The following PLS1 variants were observed in gnomAD, a reference collection of about 807,000 sequenced individuals.
PLS1 encodes plastin 1.
A neutral mutation model predicts 73.7 loss-of-function variants in PLS1; 32 were observed. The ratio of observed to expected loss-of-function variants is 0.43; its 90% CI spans 0.33 to 0.58. The LOEUF is 0.58. Ranked by LOEUF, PLS1 falls within the 20% of genes least tolerant of loss-of-function variation. The probability of loss-of-function intolerance (pLI) is 0.04; values close to 1 mark genes in which losing one functional copy is unlikely to be tolerated. For missense variants in PLS1, 633 were observed against 740.5 expected, an observed-to-expected ratio of 0.85 and a Z score of 1.68; for synonymous variants, 217 against 261.3, an observed-to-expected ratio of 0.83 and a Z score of 1.63.
At chr3:142,705,740 C>T (rs1348553426) in intron 14 of PLS1, among the ~76,000 whole-genome samples, 1 of 152,170 alleles carries the variant, frequency 6.6e-6, no homozygotes, top group Non-Finnish European at 1.5e-5. Context: ...AAAGAAATGT[C>T]AGAAATTTAT....
chr3:142,637,897 G>C (rs1348256430), intron 1 of PLS1, among the ~76,000 whole-genome samples: 1 of 151,312 alleles, frequency 6.6e-6, no homozygotes, highest in Admixed American at 6.6e-5. Flanking sequence ...ATTTAGAGCT[G>C]CTTTAATGGC....
At chr3:142,693,128 A>G (rs1016342748) in intron 10 of PLS1, among the ~76,000 whole-genome samples, 3 of 152,186 alleles carry the variant, frequency 2.0e-5, no homozygotes, top group African/African-American at 7.2e-5. Flanking sequence ...TGCAGACCAG[A>G]GGGAACAAAA....
chr3:142,691,653 GTCA>G (rs931794483), intron 10 of PLS1, among the ~76,000 whole-genome samples: 2 of 152,022 alleles, frequency 1.3e-5, no homozygotes, highest in African/African-American at 2.4e-5. Flanking sequence ...ATATTTATCA[GTCA>G]TCTTTATTAT....
At chr3:142,642,271 G>T (rs1342835885) in intron 1 of PLS1, among the ~76,000 whole-genome samples, 1 of 151,966 alleles carries the variant, frequency 6.6e-6, no homozygotes, top group African/African-American at 2.4e-5. Flanking sequence ...TTGAGAACAT[G>T]ATTTTTAATT....
intron 1 of PLS1, among the ~76,000 whole-genome samples, chr3:142,614,748 G>A (rs1473367583): frequency 6.6e-6 from 1 of 152,102 alleles, no homozygotes; most frequent in African/African-American, 2.4e-5. Flanking sequence ...CAGGAGTATG[G>A]CGGCTATAGA....
In PLS1 at chr3:142,712,143, A is replaced by T. The variant is rs1046181412; in HGVS notation, c.*136A>T. 1 of 782,792 alleles carries T rather than the reference A, an allele frequency of 1.3e-6. No homozygotes were observed. Among genetic ancestry groups the T allele is most frequent in the Non-Finnish European group, 2.0e-6 (1 of 489,030 alleles). The allele number at this position is 782,792 out of a possible 1,614,324, so 48.5% of individuals were successfully genotyped here. ...TTATATATTCATTAATGAATTCAAT[A>T]TCCTGTTCATACTAGTTAGAGCTGG... On this transcript the variant is annotated 3_prime_UTR_variant, in exon 16 of 16. Coordinates refer to ENST00000457734, the MANE Select transcript of PLS1 (RefSeq NM_001145319.2).
chr3:142,619,976 T>C (rs1466987644), intron 1 of PLS1, among the ~76,000 whole-genome samples: 1 of 152,154 alleles, frequency 6.6e-6, no homozygotes, highest in African/African-American at 2.4e-5. Flanking sequence ...TTGATGAATT[T>C]TCACAAATGG....
At chr3:142,702,945 C>T (rs1455327287) in intron 12 of PLS1, among the ~76,000 whole-genome samples, 1 of 152,148 alleles carries the variant, frequency 6.6e-6, no homozygotes, top group Non-Finnish European at 1.5e-5. Context: ...AAAGGAAACA[C>T]ATACAAGGCT....
Position 142,704,601 on chromosome 3 carries a change from T to A in PLS1, c.1629+15T>A. On this transcript the variant is annotated intron_variant, in intron 14 of 15. Coordinates refer to ENST00000457734, the MANE Select transcript of PLS1 (RefSeq NM_001145319.2). ...CCAGCTTCAAGGTAATCAAGAGTCC[T>A]AAAAAAAATTTTTTTTTGTAGGTAT... 3.6e-5 allele frequency: 38 copies of A among 1,052,240 alleles called. No homozygotes were observed. Among genetic ancestry groups the A allele is most frequent in the African/African-American group, 5.2e-5 (3 of 58,148 alleles). The allele number at this position is 1,052,240 out of a possible 1,614,324, so 65.2% of individuals were successfully genotyped here.
chr3:142,664,247 A>G lies in PLS1; in HGVS notation c.10A>G (p.Ser4Gly). The G allele has an allele frequency of 6.4e-7, 1 of 1,574,282 alleles. No individual in the cohort carries two copies. The highest frequency in any genetic ancestry group is 8.7e-7 in the Non-Finnish European group (1 of 1,149,554). Reference sequence around the variant, plus strand: ...TCTTTTCTGTCCAAAGATGGAAAACAGTACTACTACCATTTCTCGGGAGGA... The same window carrying G: ...TCTTTTCTGTCCAAAGATGGAAAACGGTACTACTACCATTTCTCGGGAGGA... MEN[S>G]TTTISREELE... The change falls in exon 2 of 16, where the codon AGT (serine) becomes GGT (glycine). Residue 4 changes from serine (S) to glycine (G), a missense_variant. Physicochemically the swap from Ser to Gly is moderately conservative, Grantham distance 56. Coordinates refer to ENST00000457734, the MANE Select transcript of PLS1 (RefSeq NM_001145319.2).
intron 1 of PLS1, among the ~76,000 whole-genome samples, chr3:142,618,796 G>A (rs2036262180): frequency 6.6e-6 from 1 of 152,108 alleles, no homozygotes; most frequent in Admixed American, 6.6e-5. Flanking sequence ...TGCTTTTAAA[G>A]ACTCATGTGA....
Position 142,710,604 on chromosome 3 carries a change from T to C in PLS1, c.1630-897T>C, listed in dbSNP as rs115604636. Among the ~76,000 whole-genome samples the C allele has an allele frequency of 2.0e-3, 310 of 152,268 alleles. 3 individuals are homozygous for C. The highest frequency in any genetic ancestry group is 7.2e-3 in the African/African-American group (298 of 41,558). ...CACTCCTGGAACTATGAATGTCAGCTTTCCTTGAAGCTGATGTCTGTGTGA... is the reference window on the plus strand; with the variant it reads ...CACTCCTGGAACTATGAATGTCAGCCTTCCTTGAAGCTGATGTCTGTGTGA... On this transcript the variant is annotated intron_variant, in intron 14 of 15. Coordinates refer to ENST00000457734, the MANE Select transcript of PLS1 (RefSeq NM_001145319.2).
chr3:142,711,418 A>T, intron 14 of PLS1, 83 bp from the exon 15 acceptor site: 1 of 993,094 alleles, frequency 1.0e-6, no homozygotes, highest in Non-Finnish European at 1.5e-6. Flanking sequence ...GATTGCCTTC[A>T]GTTATATGAT....
chr3:142,637,238 T>C lies in PLS1; in HGVS notation c.-36-26964T>C, dbSNP rs1422650545. Among the ~76,000 whole-genome samples, 4 of 152,144 alleles carry C rather than the reference T, an allele frequency of 2.6e-5. No homozygotes were observed. The East Asian group carries it at 7.7e-4, about 29-fold the overall frequency. On this transcript the variant is annotated intron_variant, in intron 1 of 15. Coordinates refer to ENST00000457734, the MANE Select transcript of PLS1 (RefSeq NM_001145319.2). ...GAATGAACTATTAAAATACACAACA[T>C]AGATCTCAAAATATTTATGCTGACT...
rs2038152262 is a variant in PLS1 at position 142,694,475 on chromosome 3, G to A, written c.1184G>A (p.Ser395Asn). The A allele has an allele frequency of 6.3e-7, 1 of 1,598,998 alleles. No homozygotes were observed. The highest frequency in any genetic ancestry group is 8.6e-7 in the Non-Finnish European group (1 of 1,166,490). The change falls in exon 11 of 16, where the codon AGC becomes AAC. Residue 395 changes from serine to asparagine, a missense_variant. Coordinates refer to ENST00000457734, the MANE Select transcript of PLS1 (RefSeq NM_001145319.2). ...GAGCTTGTGTCTACTCTAGGAGAGA[G>A]CAAGGAAGAGAGAACATTTCGGAAC... The part of the protein sequence containing the change: ...DIDMNLLEGE[S>N]KEERTFRNWM...
intron 14 of PLS1, among the ~76,000 whole-genome samples, chr3:142,709,573 G>T (rs28542299): frequency 0.24 from 35,998 of 152,006 alleles, 5,340 homozygotes; most frequent in African/African-American, 0.43. Flanking sequence ...TCCCACCACG[G>T]TGGGAGGCCG....
At chr3:142,627,377 A>G (rs530872678) in intron 1 of PLS1, among the ~76,000 whole-genome samples, 33 of 152,328 alleles carry the variant, frequency 2.2e-4, no homozygotes, top group African/African-American at 7.5e-4. Flanking sequence ...GGAGTGACAT[A>G]TTAAGGTTTG....
At chr3:142,709,770 T>C (rs546874750) in intron 14 of PLS1, among the ~76,000 whole-genome samples, 9 of 148,260 alleles carry the variant, frequency 6.1e-5, no homozygotes, top group African/African-American at 2.3e-4. Context: ...TGAGCCAAGA[T>C]GGCAACACTG....
At chr3:142,647,503 C>CTTTCTTT (rs1553785179) in intron 1 of PLS1, among the ~76,000 whole-genome samples, 2 of 141,956 alleles carry the variant, frequency 1.4e-5, no homozygotes, top group South Asian at 2.2e-4. Context: ...TTTTTCTTTT[C>CTTTCTTT]TTTTTTTTTT....
Sources: gnomAD v4.1 joint callset for allele counts (sites outside exome capture counted in the v4.1 genomes callset) on GRCh38, gnomAD v4.1.1 for gene constraint, MANE v1.5 for transcripts, NCBI Gene and HGNC (gene_info 2026-07-23, HGNC 2026-07-21) for gene names.